FOXN3: variants seen among roughly 807,000 people sequenced by gnomAD.
FOXN3 encodes forkhead box N3, also known as forkhead box protein N3.
A neutral mutation model predicts 38.4 loss-of-function variants in FOXN3; 7 were observed. The observed-to-expected ratio is 0.18, with a 90% CI of 0.10 to 0.34. The LOEUF (loss-of-function observed/expected upper bound fraction) is 0.34. Ranked by LOEUF, FOXN3 falls within the 10% of genes least tolerant of loss-of-function variation. The pLI is 1.00. For synonymous variants in FOXN3, 230 were observed against 242.2 expected, an observed-to-expected ratio of 0.95 and a Z score of 0.47; for missense variants, 456 against 613.4, an observed-to-expected ratio of 0.74 and a Z score of 2.71.
intron 1 of FOXN3, among the ~76,000 whole-genome samples, chr14:89,433,375 G>A (rs545502648): frequency 7.9e-5 from 12 of 152,224 alleles, no homozygotes; most frequent in Admixed American, 2.6e-4. Flanking sequence ...CCAGCTACTC[G>A]GTAGACTGAG....
chr14:89,330,873 G>T (rs1419277523), intron 3 of FOXN3, among the ~76,000 whole-genome samples: 1 of 152,190 alleles, frequency 6.6e-6, no homozygotes, highest in Non-Finnish European at 1.5e-5. Flanking sequence ...TAAGGCCAGG[G>T]AGCCTGTCCT....
chr14:89,555,870 T>TGTGTGTGTGC lies in FOXN3; in HGVS notation c.-15+63157_-15+63158insGCACACACAC, dbSNP rs1298517411. On this transcript the variant is annotated intron_variant, in intron 1 of 6. Transcript: ENST00000345097. ...GTGTGTGTGTGTGTGTGTGTGTGTG[T>TGTGTGTGTGC]GTGTGTATGTGGGGGTGTATGTGGG... Among the ~76,000 whole-genome samples the TGTGTGTGTGC allele has an allele frequency of 6.8e-5, 8 of 117,404 alleles. 1 individual carries two copies. Among genetic ancestry groups the TGTGTGTGTGC allele is most frequent in the Non-Finnish European group, 1.5e-4 (8 of 54,640 alleles). 77.0% of individuals were successfully genotyped at this position (117,404 alleles called of 152,430 possible).
chr14:89,276,482 G>T (rs1022062507), intron 4 of FOXN3, among the ~76,000 whole-genome samples: 4 of 152,204 alleles, frequency 2.6e-5, no homozygotes, highest in African/African-American at 9.6e-5. Flanking sequence ...GGAAAGGTTT[G>T]TAAAACCAGT....
chr14:89,516,563 T>G (rs1366011368), intron 1 of FOXN3, among the ~76,000 whole-genome samples: 1 of 33,702 alleles, frequency 3.0e-5, no homozygotes, highest in Non-Finnish European at 7.9e-5. Context: ...CCAGTAGTTT[T>G]TTTTTTTTTT....
intron 1 of FOXN3, among the ~76,000 whole-genome samples, chr14:89,483,574 AATTTTTGT>A (rs1316051511): frequency 6.6e-6 from 1 of 151,972 alleles, no homozygotes; most frequent in Non-Finnish European, 1.5e-5. Context: ...ACACCCAGCT[AATTTTTGT>A]ATTTTTGTAG....
chr14:89,295,151 A>C (rs1182799881), intron 3 of FOXN3, among the ~76,000 whole-genome samples: 2 of 152,082 alleles, frequency 1.3e-5, no homozygotes. Context: ...ATCCCAGCCC[A>C]ATCTCTCCCT....
intron 4 of FOXN3, among the ~76,000 whole-genome samples, chr14:89,262,080 G>T (rs761471403): frequency 6.6e-6 from 1 of 152,136 alleles, no homozygotes; most frequent in Non-Finnish European, 1.5e-5. Context: ...TCCAGCCTGG[G>T]TGACAGAGAG....
chr14:89,249,135 T>C (rs1885379528), intron 4 of FOXN3, among the ~76,000 whole-genome samples: 1 of 152,196 alleles, frequency 6.6e-6, no homozygotes. Flanking sequence ...AAATCAAGTC[T>C]CTTGAGAGTC....
At chr14:89,602,977 G>A (rs1295822754) in intron 1 of FOXN3, among the ~76,000 whole-genome samples, 2 of 152,154 alleles carry the variant, frequency 1.3e-5, no homozygotes, top group East Asian at 1.9e-4. Flanking sequence ...TGAAGTTTCC[G>A]AGAGGAAATA....
At chr14:89,446,460 ATTAC>A (rs922176105) in intron 1 of FOXN3, among the ~76,000 whole-genome samples, 115 of 152,276 alleles carry the variant, frequency 7.6e-4, no homozygotes, top group African/African-American at 2.8e-3. Context: ...AAATGCTGAG[ATTAC>A]AGGCATGAGC....
chr14:89,525,477 C>G (rs1894415042), intron 1 of FOXN3, among the ~76,000 whole-genome samples: 1 of 152,174 alleles, frequency 6.6e-6, no homozygotes, highest in Admixed American at 6.5e-5. Flanking sequence ...CTGTCCACCC[C>G]TTTCCCAGAA....
intron 1 of FOXN3, among the ~76,000 whole-genome samples, chr14:89,511,242 C>CT (rs1238895863): frequency 5.7e-5 from 1 of 17,592 alleles, no homozygotes; most frequent in Non-Finnish European, 2.3e-4. Flanking sequence ...CTTTCCTTTT[C>CT]TTTCTTTTCT....
chr14:89,341,096 G>A (rs1226489009), intron 3 of FOXN3, among the ~76,000 whole-genome samples: 2 of 152,122 alleles, frequency 1.3e-5, no homozygotes, highest in Admixed American at 1.3e-4. Context: ...CGATAACCCT[G>A]CAGTTCTCCA....
In FOXN3 at chr14:89,160,291, G is replaced by T. The variant is rs537159300; in HGVS notation, c.*2123C>A. On this transcript the variant is annotated 3_prime_UTR_variant, in exon 6 of 6. Transcript: ENST00000557258. Reference sequence around the variant, plus strand: ...AGGAGTTTCTGGGCTGCATGACGTTGTCTGGTTTCTAAATTCAGCTCTCGC... The same window carrying T: ...AGGAGTTTCTGGGCTGCATGACGTTTTCTGGTTTCTAAATTCAGCTCTCGC... The T allele has an allele frequency of 2.1e-5, 3 of 143,342 alleles. No homozygotes were observed. The highest frequency in any genetic ancestry group is 7.8e-5 in the African/African-American group (3 of 38,292). The allele number at this position is 143,342 out of a possible 1,614,324, so 8.9% of individuals were successfully genotyped here.
intron 1 of FOXN3, among the ~76,000 whole-genome samples, chr14:89,538,610 C>T (rs563409416): frequency 6.6e-6 from 1 of 152,284 alleles, no homozygotes; most frequent in South Asian, 2.1e-4. Context: ...CCTCTGCCTC[C>T]CGAGTTCAAG....
At chr14:89,331,684 A>T (rs1016321697) in intron 3 of FOXN3, among the ~76,000 whole-genome samples, 4 of 152,216 alleles carry the variant, frequency 2.6e-5, no homozygotes, top group Middle Eastern at 3.2e-3. Flanking sequence ...GCCACCATTT[A>T]TAGTAACAAA....
chr14:89,213,696 C>T (rs1287295319), intron 4 of FOXN3, among the ~76,000 whole-genome samples: 1 of 152,188 alleles, frequency 6.6e-6, no homozygotes, highest in Non-Finnish European at 1.5e-5. Context: ...TCAGCCCACC[C>T]TGTGTGGAAA....
chr14:89,595,749 A>C (rs1195678971), intron 1 of FOXN3, among the ~76,000 whole-genome samples: 1 of 152,220 alleles, frequency 6.6e-6, no homozygotes, highest in Non-Finnish European at 1.5e-5. Context: ...GTGGTGATAG[A>C]TGGCAGATTT....
intron 1 of FOXN3, among the ~76,000 whole-genome samples, chr14:89,490,839 G>A (rs1380467475): frequency 1.3e-5 from 2 of 151,888 alleles, no homozygotes; most frequent in Non-Finnish European, 2.9e-5. Flanking sequence ...ATCTTTACAA[G>A]GTTTTAAGAA....
Sources: allele counts gnomAD v4.1 joint callset (sites outside exome capture counted in the v4.1 genomes callset), GRCh38; gene constraint gnomAD v4.1.1; transcripts MANE v1.5; gene names NCBI Gene and HGNC (gene_info 2026-07-23, HGNC 2026-07-21).